Variants in PLCB1 observed in about 807,000 individuals in gnomAD.
PLCB1 encodes 1-phosphatidylinositol 4,5-bisphosphate phosphodiesterase beta-1.
PLCB1 carries 46 observed loss-of-function variants against 161.8 expected under a neutral mutation model. The observed-to-expected ratio is 0.28, with a 90% CI of 0.22 to 0.36. The LOEUF (loss-of-function observed/expected upper bound fraction) is 0.36. Ranked by LOEUF, PLCB1 falls within the 10% of genes least tolerant of loss-of-function variation. PLCB1 has a pLI of 1.00. For missense variants in PLCB1, 1,016 were observed against 1,472.5 expected (o/e 0.69, Z 5.07); for synonymous variants, 517 against 503.7 (o/e 1.03, Z -0.35).
chr20:8,778,206 C>T (rs151025317), intron 27 of PLCB1, among the ~76,000 whole-genome samples: 3,134 of 152,160 alleles, frequency 0.021, 44 homozygotes, highest in South Asian at 0.049. Context: ...CTAATACTCA[C>T]GGGAGATTCC....
At chr20:8,497,460 C>T (rs773832662) in intron 3 of PLCB1, among the ~76,000 whole-genome samples, 19 of 152,032 alleles carry the variant, frequency 1.2e-4, no homozygotes, top group Middle Eastern at 3.2e-3. Context: ...AAATATGTTT[C>T]GAGAAGAAAA....
At chr20:8,679,381 A>T (rs1430493398) in intron 9 of PLCB1, among the ~76,000 whole-genome samples, 1 of 152,186 alleles carries the variant, frequency 6.6e-6, no homozygotes, top group Non-Finnish European at 1.5e-5. Flanking sequence ...TTCTGGATAC[A>T]GATCTTCCTC....
intron 9 of PLCB1, among the ~76,000 whole-genome samples, chr20:8,684,173 C>T (rs527935968): frequency 1.1e-3 from 164 of 150,654 alleles, no homozygotes; most frequent in East Asian, 2.0e-3. Flanking sequence ...CGTGAGCCAC[C>T]GCGCCCAGCC....
At chr20:8,473,379 C>A (rs1322050497) in intron 3 of PLCB1, among the ~76,000 whole-genome samples, 2 of 149,394 alleles carry the variant, frequency 1.3e-5, no homozygotes, top group East Asian at 1.9e-4. Context: ...TAAGTAATTT[C>A]TTTAATAAGT....
At chr20:8,384,626 T>G (rs773344268) in intron 3 of PLCB1, among the ~76,000 whole-genome samples, 8 of 152,134 alleles carry the variant, frequency 5.3e-5, no homozygotes, top group Non-Finnish European at 1.2e-4. Context: ...GTTTTCAGTG[T>G]TTTTTTGTTG....
chr20:8,269,165 A>G (rs1411531519), intron 2 of PLCB1, among the ~76,000 whole-genome samples: 3 of 152,074 alleles, frequency 2.0e-5, no homozygotes, highest in African/African-American at 7.2e-5. Context: ...TACACGTGCC[A>G]TGGTGGTTTG....
intron 16 of PLCB1, among the ~76,000 whole-genome samples, chr20:8,725,074 G>A (rs998780755): frequency 2.6e-5 from 4 of 152,144 alleles, no homozygotes; most frequent in East Asian, 1.9e-4. Flanking sequence ...CTTTTTGTTC[G>A]CAACACACAG....
chr20:8,584,938 C>T (rs1177336415), intron 3 of PLCB1, among the ~76,000 whole-genome samples: 1 of 152,208 alleles, frequency 6.6e-6, no homozygotes, highest in Non-Finnish European at 1.5e-5. Flanking sequence ...ATCCCCCTGC[C>T]TCAGCCTCCA....
intron 31 of PLCB1, among the ~76,000 whole-genome samples, chr20:8,834,152 G>A (rs996521138): frequency 6.6e-6 from 1 of 152,134 alleles, no homozygotes; most frequent in Admixed American, 6.5e-5. Flanking sequence ...GAAGTGAGGG[G>A]AAAGATGAAC....
Position 8,159,980 on chromosome 20 carries a change from C to T in PLCB1, c.177+9609C>T, listed in dbSNP as rs544473559. Among the ~76,000 whole-genome samples, 30 of 125,394 alleles carry T rather than the reference C, an allele frequency of 2.4e-4. No homozygotes were observed. The South Asian group carries it at 7.2e-3, about 30-fold the overall frequency. The allele number at this position is 125,394 out of a possible 152,430, so 82.3% of individuals were successfully genotyped here. On this transcript the variant is annotated intron_variant, in intron 2 of 31. Transcript: ENST00000338037. ...TCCAGCCTGGGCAACAAGAGTGAAA[C>T]TCCATCTCAAAAAAAAAAAAAAAAA...
At chr20:8,469,309 T>C (rs971286583) in intron 3 of PLCB1, among the ~76,000 whole-genome samples, 3 of 152,186 alleles carry the variant, frequency 2.0e-5, no homozygotes, top group Non-Finnish European at 2.9e-5. Flanking sequence ...GAACAAAGTA[T>C]GCTTAGATAC....
At chr20:8,336,618 G>T (rs139179459) in intron 2 of PLCB1, among the ~76,000 whole-genome samples, 2 of 152,134 alleles carry the variant, frequency 1.3e-5, no homozygotes, top group African/African-American at 4.8e-5. Flanking sequence ...CCAGGTGATC[G>T]TAGTCCTAGG....
At chr20:8,857,993 T>A (rs2146309539) in intron 31 of PLCB1, among the ~76,000 whole-genome samples, 1 of 152,300 alleles carries the variant, frequency 6.6e-6, no homozygotes, top group South Asian at 2.1e-4. Flanking sequence ...GTCAGATGTG[T>A]TTGTTGTGAA....
intron 31 of PLCB1, among the ~76,000 whole-genome samples, chr20:8,796,222 T>C (rs935852679): frequency 2.6e-5 from 4 of 152,160 alleles, no homozygotes; most frequent in African/African-American, 9.7e-5. Context: ...GGCTCTTTTT[T>C]TTCCCTCCAC....
At chr20:8,783,750 A>G (rs1983349962) in intron 27 of PLCB1, among the ~76,000 whole-genome samples, 1 of 152,202 alleles carries the variant, frequency 6.6e-6, no homozygotes, top group African/African-American at 2.4e-5. Context: ...TCCCCTTGAT[A>G]GAAAATACAG....
intron 2 of PLCB1, among the ~76,000 whole-genome samples, chr20:8,321,262 T>C (rs989358756): frequency 3.9e-5 from 6 of 152,202 alleles, no homozygotes; most frequent in African/African-American, 1.4e-4. Context: ...TATAGCACAA[T>C]GTAAACACAT....
chr20:8,360,312 G>A (rs1476711761), intron 2 of PLCB1, among the ~76,000 whole-genome samples: 5 of 152,298 alleles, frequency 3.3e-5, no homozygotes, highest in East Asian at 3.9e-4. Flanking sequence ...GCTGATAGAC[G>A]CTGGGGGATG....
chr20:8,263,661 A>G (rs1422825667), intron 2 of PLCB1, among the ~76,000 whole-genome samples: 2 of 152,226 alleles, frequency 1.3e-5, no homozygotes, highest in African/African-American at 4.8e-5. Flanking sequence ...AAACTTGTAC[A>G]GCATATTACT....
intron 2 of PLCB1, among the ~76,000 whole-genome samples, chr20:8,219,872 T>A (rs1488887486): frequency 2.6e-5 from 4 of 152,208 alleles, no homozygotes; most frequent in Non-Finnish European, 5.9e-5. Context: ...TTATAAGTAG[T>A]ACATGTGGCC....
Sources: allele counts gnomAD v4.1 joint callset (sites outside exome capture counted in the v4.1 genomes callset), GRCh38; gene constraint gnomAD v4.1.1; transcripts MANE v1.5; gene names NCBI Gene and HGNC (gene_info 2026-07-23, HGNC 2026-07-21).